PDC: variants seen among roughly 807,000 people sequenced by gnomAD.
The protein encoded by PDC is phosducin, also known as 33 kDa phototransducing protein.
PDC carries 19 observed loss-of-function variants against 22.2 expected under a neutral mutation model. The observed-to-expected ratio is 0.86, with a 90% CI of 0.60 to 1.26. The LOEUF (loss-of-function observed/expected upper bound fraction) is 1.26, where lower values mean the gene tolerates loss of function less well. Ranked by LOEUF, PDC falls within the 50% of genes most tolerant of loss-of-function variation. PDC has a pLI of 0.00. For missense variants in PDC, 274 were observed against 286.8 expected (o/e 0.96, Z 0.32); for synonymous variants, 97 against 96.2 (o/e 1.01, Z -0.05).
intron 1 of PDC, among the ~76,000 whole-genome samples, chr1:186,457,816 A>C (rs920111693): frequency 6.6e-6 from 1 of 152,152 alleles, no homozygotes; most frequent in African/African-American, 2.4e-5. Flanking sequence ...CTTTCTTTTA[A>C]ATACAAAACA....
chr1:186,456,114 A>T (rs1487200487), intron 1 of PDC, among the ~76,000 whole-genome samples: 1 of 149,710 alleles, frequency 6.7e-6, no homozygotes, highest in Non-Finnish European at 1.5e-5. Context: ...GTTAAGGAAA[A>T]TAATAGTATT....
intron 1 of PDC, among the ~76,000 whole-genome samples, chr1:186,458,086 A>G (rs1218817964): frequency 1.3e-5 from 2 of 151,476 alleles, no homozygotes; most frequent in Admixed American, 6.6e-5. Flanking sequence ...GCAAATATCA[A>G]TTTCCTATCT....
At chr1:186,449,044 AC>A (rs1354549297) in intron 2 of PDC, among the ~76,000 whole-genome samples, 4 of 152,044 alleles carry the variant, frequency 2.6e-5, no homozygotes, top group African/African-American at 7.2e-5. Context: ...CCATTTATTA[AC>A]CTTTTGGTCT....
chr1:186,443,875 C>A lies in PDC; in HGVS notation c.*104G>T. 1 of 795,980 alleles carries A rather than the reference C, an allele frequency of 1.3e-6. No individual in the cohort carries two copies. Among genetic ancestry groups the A allele is most frequent in the Non-Finnish European group, 2.1e-6 (1 of 483,728 alleles). The allele number at this position is 795,980 out of a possible 1,614,324, so 49.3% of individuals were successfully genotyped here. A position where few individuals can be genotyped will look rare whatever the true frequency, so the allele number is the denominator to read the frequency against. On this transcript the variant is annotated 3_prime_UTR_variant, in exon 4 of 4. Coordinates refer to ENST00000391997, the MANE Select transcript of PDC (RefSeq NM_002597.5). ...GCATCAGTCATTTTTGTCAAGTTAG[C>A]ATAGCCGTGCCCATACTCTGTGTTC...
intron 1 of PDC, among the ~76,000 whole-genome samples, chr1:186,460,740 A>G (rs1441115201): frequency 6.6e-6 from 1 of 152,152 alleles, no homozygotes; most frequent in African/African-American, 2.4e-5. Context: ...TATTCTCTTT[A>G]GTTCTCCCTT....
intron 1 of PDC, among the ~76,000 whole-genome samples, chr1:186,458,159 C>T (rs1241913054): frequency 6.8e-6 from 1 of 147,704 alleles, no homozygotes; most frequent in Non-Finnish European, 1.5e-5. Flanking sequence ...AAAGTCATAA[C>T]TGAATTCTTG....
intron 3 of PDC, among the ~76,000 whole-genome samples, chr1:186,445,814 A>T (rs1662215985): frequency 6.6e-6 from 1 of 152,102 alleles, no homozygotes; most frequent in African/African-American, 2.4e-5. Context: ...TAGTAATAAT[A>T]ATAATAATAT....
At chr1:186,455,817 A>AG (rs1662452260) in intron 1 of PDC, among the ~76,000 whole-genome samples, 1 of 141,526 alleles carries the variant, frequency 7.1e-6, no homozygotes, top group Non-Finnish European at 1.5e-5. Context: ...AAAAAAAAAA[A>AG]AAAAATTAGC....
At chr1:186,446,105 A>AT (rs1353296765) in intron 3 of PDC, among the ~76,000 whole-genome samples, 1 of 152,096 alleles carries the variant, frequency 6.6e-6, no homozygotes, top group Non-Finnish European at 1.5e-5. Flanking sequence ...TTTTACATTT[A>AT]TTTTTTCTTT....
At chr1:186,446,279 G>A in intron 3 of PDC, 147 bp downstream of exon 3, 1 of 499,150 alleles carries the variant, frequency 2.0e-6, no homozygotes, top group Non-Finnish European at 3.4e-6. Context: ...GCCACAATAG[G>A]TGTTCACTTC....
intron 1 of PDC, among the ~76,000 whole-genome samples, chr1:186,451,945 C>A (rs1662363274): frequency 6.6e-6 from 1 of 152,206 alleles, no homozygotes; most frequent in Admixed American, 6.5e-5. Context: ...AGGACAGAGT[C>A]CATCCTTATC....
chr1:186,458,226 C>CTTTTTT (rs1157926478), intron 1 of PDC, among the ~76,000 whole-genome samples: 27 of 88,388 alleles, frequency 3.1e-4, no homozygotes, highest in African/African-American at 8.7e-4. Flanking sequence ...TACAGATATT[C>CTTTTTT]TTTTTTTTTT....
intron 1 of PDC, among the ~76,000 whole-genome samples, chr1:186,450,292 A>T (rs1662324482): frequency 6.6e-6 from 1 of 152,138 alleles, no homozygotes; most frequent in Admixed American, 6.5e-5. Context: ...AGTAGCCACC[A>T]AGCAAATGGA....
chr1:186,459,750 G>GTATATATATATATATATATA (rs1558134643), intron 1 of PDC, among the ~76,000 whole-genome samples: 1 of 68,558 alleles, frequency 1.5e-5, no homozygotes, highest in Non-Finnish European at 3.1e-5. Context: ...ATGTGTGTGT[G>GTATATATATATATATATATA]TGTATATATA....
chr1:186,444,730 C>T lies in PDC; in HGVS notation c.214-224G>A, dbSNP rs560085874. ...TAAAAAGGTCCCCATCTCACACTCT[C>T]CATCTTTATGCTGGTTTATTTTCTT... is the stretch of plus-strand genomic sequence containing the variant. On this transcript the variant is annotated intron_variant, in intron 3 of 3. Coordinates refer to ENST00000391997, the MANE Select transcript of PDC (RefSeq NM_002597.5). Among the ~76,000 whole-genome samples, 22 of 152,234 alleles carry T rather than the reference C, an allele frequency of 1.4e-4. No individual in the cohort carries two copies. In the South Asian group the frequency reaches 4.4e-3, roughly 30 times the overall value.
chr1:186,453,245 A>G (rs1662388768), intron 1 of PDC, among the ~76,000 whole-genome samples: 1 of 152,216 alleles, frequency 6.6e-6, no homozygotes. Flanking sequence ...AAAATGATTC[A>G]AATATAAATG....
At chr1:186,450,522 T>A (rs1409934568) in intron 1 of PDC, among the ~76,000 whole-genome samples, 1 of 152,008 alleles carries the variant, frequency 6.6e-6, no homozygotes, top group Non-Finnish European at 1.5e-5. Context: ...TGTTTTTTTT[T>A]ATTTTTTGGT....
At chr1:186,454,387 C>A (rs566130333) in intron 1 of PDC, among the ~76,000 whole-genome samples, 78 of 152,158 alleles carry the variant, frequency 5.1e-4, no homozygotes, top group Non-Finnish European at 7.1e-4. Context: ...CCATGTTGGC[C>A]AGGCTGGTCT....
chr1:186,449,583 C>T (rs1012198525), intron 1 of PDC, 100 bp from the exon 2 acceptor site: 7 of 528,422 alleles, frequency 1.3e-5, no homozygotes, highest in Non-Finnish European at 2.0e-5. Flanking sequence ...TTTATAGTCT[C>T]CTGCTGCCAG....
Sources: gnomAD v4.1 joint callset for allele counts (sites outside exome capture counted in the v4.1 genomes callset) on GRCh38, gnomAD v4.1.1 for gene constraint, MANE v1.5 for transcripts, NCBI Gene and HGNC (gene_info 2026-07-23, HGNC 2026-07-21) for gene names.